The following RIN3 variants were observed in gnomAD, a reference collection of about 807,000 sequenced individuals.
RIN3 encodes the protein Ras and Rab interactor 3, also known as RAB5 interacting protein 3.
A neutral mutation model predicts 76.3 loss-of-function variants in RIN3; 54 were observed. The observed-to-expected ratio is 0.71, with a 90% confidence interval of 0.57 to 0.89. The LOEUF is 0.89. Ranked by LOEUF, RIN3 falls within the 40% of genes least tolerant of loss-of-function variation. The probability of loss-of-function intolerance (pLI) is 0.00; values close to 1 mark genes in which losing one functional copy is unlikely to be tolerated. For synonymous variants in RIN3, 576 were observed against 564.0 expected (o/e 1.02, Z -0.30); for missense variants, 1,256 against 1,322.1 (o/e 0.95, Z 0.78).
rs990182692 is a variant in RIN3 at position 92,568,320 on chromosome 14, G to T, written c.250-9040G>T. Among the ~76,000 whole-genome samples the T allele has an allele frequency of 1.3e-5, 2 of 152,210 alleles. No individual in the cohort carries two copies. Among genetic ancestry groups the T allele is most frequent in the Non-Finnish European group, 2.9e-5 (2 of 68,030 alleles). On this transcript the variant is annotated intron_variant, in intron 2 of 9. Coordinates refer to ENST00000216487, the MANE Select transcript of RIN3 (RefSeq NM_024832.5). This position sits in a 1 kb window ranked among gnomAD's most constrained non-coding sequence, Gnocchi z 4.2. ...GGGACACTCGATCAGCGAGTGGGCA[G>T]GGAGGCAATGTAGATATAAACAACT...
At chr14:92,563,132 G>T (rs1261606154) in intron 2 of RIN3, among the ~76,000 whole-genome samples, 1 of 152,158 alleles carries the variant, frequency 6.6e-6, no homozygotes, top group Non-Finnish European at 1.5e-5. Flanking sequence ...GGCCGAGGTG[G>T]GTGGATCACC....
chr14:92,688,968 A>AT lies in RIN3; in HGVS notation c.*719dup, dbSNP rs1193933067. On this transcript the variant is annotated 3_prime_UTR_variant, in exon 10 of 10. Transcript: ENST00000216487. Reference sequence around the variant, plus strand: ...TTGCAGGAGCCATCGTGTGGGGAGAATTTAATAAAAGCCCTTTTGAAAATG... The same window carrying AT: ...TTGCAGGAGCCATCGTGTGGGGAGAATTTTAATAAAAGCCCTTTTGAAAATG... 2 of 152,232 alleles carry AT rather than the reference A, an allele frequency of 1.3e-5. No homozygotes were observed. The highest frequency in any genetic ancestry group is 1.5e-5 in the Non-Finnish European group (1 of 68,072). 9.4% of individuals were successfully genotyped at this position (152,232 alleles called of 1,614,324 possible).
intron 5 of RIN3, among the ~76,000 whole-genome samples, chr14:92,650,538 C>T (rs192318681): frequency 1.5e-3 from 224 of 152,354 alleles, no homozygotes; most frequent in Admixed American, 2.8e-3. Context: ...GAAAGGCTGG[C>T]TGCACCAATT....
intron 1 of RIN3, among the ~76,000 whole-genome samples, chr14:92,545,407 G>A (rs1391091788): frequency 1.3e-5 from 2 of 152,028 alleles, no homozygotes; most frequent in Non-Finnish European, 2.9e-5. Flanking sequence ...ACCGCGCCCG[G>A]CCTAACTTTC....
intron 4 of RIN3, among the ~76,000 whole-genome samples, chr14:92,624,334 A>C (rs1402962902): frequency 6.6e-6 from 1 of 152,210 alleles, no homozygotes; most frequent in Non-Finnish European, 1.5e-5. Flanking sequence ...TCCCTCTTAC[A>C]TCTGCTCCCA....
At chr14:92,583,086 AG>A (rs1226647308) in intron 3 of RIN3, among the ~76,000 whole-genome samples, 1 of 152,120 alleles carries the variant, frequency 6.6e-6, no homozygotes, top group African/African-American at 2.4e-5. Context: ...GGCACTGGAA[AG>A]GGTTCGTGTG....
Position 92,688,176 on chromosome 14 carries a change from G to T in RIN3, c.2882G>T (p.Arg961Leu). 1 of 1,595,962 alleles carries T rather than the reference G, an allele frequency of 6.3e-7. No individual in the cohort carries two copies. The highest frequency in any genetic ancestry group is 8.5e-7 in the Non-Finnish European group (1 of 1,175,122). Residue 961 changes from arginine (R) to leucine (L), a missense_variant, in exon 10 of 10, where the codon CGG (arginine) becomes CTG (leucine). By Grantham distance (102) the Arg-to-Leu change is moderately radical (BLOSUM62 -2). Around this residue, in one of 3 missense-constraint regions of RIN3, gnomAD observed 218 missense variants for 174.5 expected, o/e 1.25. Coordinates refer to ENST00000216487, the MANE Select transcript of RIN3 (RefSeq NM_024832.5). ...AAGCGCGACTTCCACTTTGTCTACC[G>T]GCCCCTGGACGGTGGTGGCGGCGGC... is the stretch of plus-strand genomic sequence containing the variant. Reference protein sequence around the residue: ...EPKRDFHFVYRPLDGGGGGGG... With the variant: ...EPKRDFHFVYLPLDGGGGGGG...
chr14:92,622,202 C>T (rs1402031998), intron 4 of RIN3, among the ~76,000 whole-genome samples: 1 of 152,218 alleles, frequency 6.6e-6, no homozygotes, highest in Non-Finnish European at 1.5e-5. Flanking sequence ...GACCTCATAA[C>T]CTCTGCCAAG....
In RIN3 at chr14:92,555,869, A is replaced by C; in HGVS notation, c.163A>C (p.Lys55Gln). The change falls in exon 2 of 10, where the codon AAG (lysine) becomes CAG (glutamine). Residue 55 changes from lysine (K) to glutamine (Q), a missense_variant. By Grantham distance (53) the Lys-to-Gln change is moderately conservative (BLOSUM62 1). Around this residue, in one of 3 missense-constraint regions of RIN3, gnomAD observed 610 missense variants for 626.4 expected, o/e 0.97. Coordinates refer to ENST00000216487, the MANE Select transcript of RIN3 (RefSeq NM_024832.5). ...CCGCCGGGGCATCAGCATCCTGGAG[A>C]AGCTCATCAAAACATGCCCGGTGTG... ...PHRRGISILE[K>Q]LIKTCPVWLQ... 1 of 1,614,116 alleles carries C rather than the reference A, an allele frequency of 6.2e-7. No individual in the cohort carries two copies.
intron 7 of RIN3, among the ~76,000 whole-genome samples, chr14:92,667,184 G>A (rs1408341097): frequency 6.6e-6 from 1 of 152,148 alleles, no homozygotes; most frequent in African/African-American, 2.4e-5. Context: ...AGGGAGGGAG[G>A]TCAGGCTGTT....
At chr14:92,647,755 G>A (rs1014939789) in intron 5 of RIN3, among the ~76,000 whole-genome samples, 1 of 152,184 alleles carries the variant, frequency 6.6e-6, no homozygotes, top group African/African-American at 2.4e-5. Flanking sequence ...CTCCCCAGGG[G>A]TAGAGTCTGA....
chr14:92,671,548 T>C (rs1037427749), intron 7 of RIN3, among the ~76,000 whole-genome samples: 3 of 152,008 alleles, frequency 2.0e-5, no homozygotes. Context: ...ATGAGTGAAA[T>C]TAGTAGGAAC....
At chr14:92,565,117 C>T (rs1020733156) in intron 2 of RIN3, among the ~76,000 whole-genome samples, 1 of 152,202 alleles carries the variant, frequency 6.6e-6, no homozygotes, top group Non-Finnish European at 1.5e-5. Flanking sequence ...GGCTCATCTG[C>T]TCTGCCTGGC....
Position 92,688,165 on chromosome 14 carries a change from C to T in RIN3, c.2871C>T (p.His957=). Residue 957 remains histidine (H), a synonymous_variant, in exon 10 of 10, where the codon CAC becomes CAT. Transcript: ENST00000216487. ...GCAGCGAGCCCAAGCGCGACTTCCA[C>T]TTTGTCTACCGGCCCCTGGACGGTG... ...LLRSEPKRDF[H]FVYRPLDGGG... 5 of 1,608,902 alleles carry T rather than the reference C, an allele frequency of 3.1e-6. No individual in the cohort carries two copies. Among genetic ancestry groups the T allele is most frequent in the Non-Finnish European group, 4.2e-6 (5 of 1,178,616 alleles).
Position 92,643,643 on chromosome 14 carries a change from A to G in RIN3, c.532+2314A>G, listed in dbSNP as rs892827319. Among the ~76,000 whole-genome samples, 2 of 152,128 alleles carry G rather than the reference A, an allele frequency of 1.3e-5. No homozygotes were observed. Among genetic ancestry groups the G allele is most frequent in the Non-Finnish European group, 2.9e-5 (2 of 68,030 alleles). ...TTTTTGTGCATTTTAAAGATAGAAC[A>G]CTGGCTGGACACAGTGGCTCATGCC... On this transcript the variant is annotated intron_variant, in intron 5 of 9. Coordinates refer to ENST00000216487, the MANE Select transcript of RIN3 (RefSeq NM_024832.5). The surrounding 1 kb of genome is among the most constrained non-coding windows in gnomAD (Gnocchi z 4.8).
chr14:92,543,398 C>T (rs1897169864), intron 1 of RIN3, among the ~76,000 whole-genome samples: 3 of 152,088 alleles, frequency 2.0e-5, no homozygotes, highest in African/African-American at 7.2e-5. Context: ...GTAGCTAGCT[C>T]ATGTGATTAA....
At position 92,651,809 on chromosome 14, in the gene RIN3, C is replaced by G; in HGVS notation, c.760C>G (p.Leu254Val). ...SSALPTDQPP[L>V]GNCPARPLPP... Reference sequence around the variant, plus strand: ...CGCCCTGCCCACCGACCAGCCACCTCTTGGAAATTGCCCTGCACGCCCTTT... The same window carrying G: ...CGCCCTGCCCACCGACCAGCCACCTGTTGGAAATTGCCCTGCACGCCCTTT... Residue 254 changes from leucine to valine, a missense_variant, in exon 6 of 10, where the codon CTT becomes GTT. By Grantham distance (32) the Leu-to-Val change is conservative (BLOSUM62 1). Around this residue, in one of 3 missense-constraint regions of RIN3, gnomAD observed 610 missense variants for 626.4 expected, o/e 0.97. Transcript: ENST00000216487. 6 of 1,613,462 alleles carry G rather than the reference C, an allele frequency of 3.7e-6. No individual in the cohort carries two copies. Among genetic ancestry groups the G allele is most frequent in the South Asian group, 1.1e-5 (1 of 91,054 alleles).
At chr14:92,614,390 G>A (rs1196976196) in intron 3 of RIN3, among the ~76,000 whole-genome samples, 1 of 152,210 alleles carries the variant, frequency 6.6e-6, no homozygotes, top group African/African-American at 2.4e-5. Context: ...TTCTAAGACT[G>A]TTGCTTGGGA....
intron 3 of RIN3, among the ~76,000 whole-genome samples, chr14:92,615,190 A>G (rs1885908008): frequency 6.6e-6 from 1 of 152,052 alleles, no homozygotes. Flanking sequence ...CAAACAGGTA[A>G]TCTCCTGAAA....
Sources: allele counts gnomAD v4.1 joint callset (sites outside exome capture counted in the v4.1 genomes callset), GRCh38; gene constraint gnomAD v4.1.1; regional missense constraint gnomAD v4.1.1; non-coding constraint Gnocchi (gnomAD v3.1); transcripts MANE v1.5; gene names NCBI Gene and HGNC (gene_info 2026-07-23, HGNC 2026-07-21).